Variants in RFX3 observed in about 807,000 individuals in gnomAD.
The protein encoded by RFX3 is transcription factor RFX3.
Under a neutral mutation model 98.6 loss-of-function variants are expected in RFX3, and 14 were observed. The ratio of observed to expected loss-of-function variants is 0.14; its 90% CI spans 0.09 to 0.22. RFX3 has a LOEUF of 0.22. Ranked by LOEUF, RFX3 falls within the 10% of genes least tolerant of loss-of-function variation. The pLI is 1.00. For synonymous variants in RFX3, 383 were observed against 328.4 expected, an observed-to-expected ratio of 1.17 and a Z score of -1.80; for missense variants, 639 against 926.9, an observed-to-expected ratio of 0.69 and a Z score of 4.03.
At chr9:3,286,702 A>C (rs898762653) in intron 7 of RFX3, among the ~76,000 whole-genome samples, 4 of 151,974 alleles carry the variant, frequency 2.6e-5, no homozygotes, top group African/African-American at 9.7e-5. Flanking sequence ...TTAGCTTTAC[A>C]TACAAGCAAA....
intron 1 of RFX3, among the ~76,000 whole-genome samples, chr9:3,457,104 G>GCGCT (rs1286498857): frequency 7.9e-6 from 1 of 125,822 alleles, no homozygotes; most frequent in Non-Finnish European, 1.6e-5. Context: ...TCGCACCACT[G>GCGCT]CGCTCCAGCC....
At chr9:3,398,914 T>TAAAAAAAAAA (rs71324247) in intron 1 of RFX3, among the ~76,000 whole-genome samples, 84 of 67,446 alleles carry the variant, frequency 1.2e-3, no homozygotes, top group African/African-American at 1.9e-3. Context: ...TAGAGTATAA[T>TAAAAAAAAAA]AAAAAAAAAA....
intron 1 of RFX3, among the ~76,000 whole-genome samples, chr9:3,424,138 C>G (rs1185591466): frequency 2.7e-5 from 4 of 149,996 alleles, no homozygotes; most frequent in Non-Finnish European, 5.9e-5. Context: ...CAGAGGGAGA[C>G]TCCTTCTCAA....
intron 1 of RFX3, among the ~76,000 whole-genome samples, chr9:3,419,267 A>G (rs1300085155): frequency 6.6e-6 from 1 of 152,210 alleles, no homozygotes; most frequent in African/African-American, 2.4e-5. Flanking sequence ...TCAAATTGTA[A>G]AGAATACCAA....
At chr9:3,417,421 C>T (rs1843077906) in intron 1 of RFX3, among the ~76,000 whole-genome samples, 1 of 151,964 alleles carries the variant, frequency 6.6e-6, no homozygotes, top group Admixed American at 6.6e-5. Flanking sequence ...CAGACCATAC[C>T]TGATCACAAA....
intron 1 of RFX3, among the ~76,000 whole-genome samples, chr9:3,455,723 AAAGTT>A (rs1211961237): frequency 3.3e-5 from 5 of 152,188 alleles, no homozygotes; most frequent in Non-Finnish European, 5.9e-5. Flanking sequence ...TACACACACA[AAAGTT>A]ATGTTAGGAA....
chr9:3,438,149 A>G (rs928041714), intron 1 of RFX3, among the ~76,000 whole-genome samples: 5 of 152,140 alleles, frequency 3.3e-5, no homozygotes, highest in Non-Finnish European at 7.4e-5. Flanking sequence ...GGGAATGGGA[A>G]TAACACAGAA....
At chr9:3,482,807 T>C (rs1849902311) in intron 1 of RFX3, among the ~76,000 whole-genome samples, 1 of 152,200 alleles carries the variant, frequency 6.6e-6, no homozygotes, top group South Asian at 2.1e-4. Context: ...ATATTATATG[T>C]CTTTGAATAA....
intron 1 of RFX3, among the ~76,000 whole-genome samples, chr9:3,412,628 T>C (rs1356649461): frequency 6.6e-6 from 1 of 152,034 alleles, no homozygotes; most frequent in Non-Finnish European, 1.5e-5. Context: ...AAGCTTAGGG[T>C]AGTTTCAGGA....
intron 2 of RFX3, among the ~76,000 whole-genome samples, chr9:3,349,004 A>C (rs1834773172): frequency 6.6e-6 from 1 of 152,170 alleles, no homozygotes; most frequent in Non-Finnish European, 1.5e-5. Context: ...GGGACCCATT[A>C]ATGCTTGCTG....
At chr9:3,236,616 G>T (rs949741716) in intron 15 of RFX3, among the ~76,000 whole-genome samples, 1 of 152,184 alleles carries the variant, frequency 6.6e-6, no homozygotes, top group Non-Finnish European at 1.5e-5. Flanking sequence ...GCAGTCAGAG[G>T]CCAAGGTGCT....
At chr9:3,270,156 A>G (rs970615371) in intron 11 of RFX3, among the ~76,000 whole-genome samples, 1 of 150,804 alleles carries the variant, frequency 6.6e-6, no homozygotes, top group African/African-American at 2.5e-5. Flanking sequence ...AGAAAGAAAG[A>G]AAAAGAAAAG....
intron 10 of RFX3, 23 bp downstream of exon 10, chr9:3,270,980 T>C (rs1038437105): frequency 7.4e-6 from 12 of 1,613,608 alleles, no homozygotes; most frequent in South Asian, 2.2e-5. Context: ...TGAAAATGAA[T>C]TGGAAAAGAT....
At chr9:3,257,292 T>C (rs1586766120) in intron 13 of RFX3, 93 bp from the exon 14 acceptor site, 1 of 1,001,680 alleles carries the variant, frequency 1.0e-6, no homozygotes, top group Non-Finnish European at 1.5e-6. Flanking sequence ...AACAGAAAAT[T>C]ATAATAAAAG....
At chr9:3,289,127 CATATATAGCA>C (rs1407757392) in intron 6 of RFX3, among the ~76,000 whole-genome samples, 1 of 151,942 alleles carries the variant, frequency 6.6e-6, no homozygotes, top group Admixed American at 6.6e-5. Context: ...TTCACAAGTC[CATATATAGCA>C]ATACATCAGC....
At chr9:3,315,584 G>A (rs1169266848) in intron 4 of RFX3, among the ~76,000 whole-genome samples, 2 of 152,072 alleles carry the variant, frequency 1.3e-5, no homozygotes, top group African/African-American at 4.8e-5. Flanking sequence ...ATGAATCCAG[G>A]AGCTGGCTTT....
chr9:3,430,013 A>G (rs1307688871), intron 1 of RFX3, among the ~76,000 whole-genome samples: 5 of 152,170 alleles, frequency 3.3e-5, no homozygotes, highest in African/African-American at 1.2e-4. Context: ...TGAGGTTCCC[A>G]AGTTTTCTTA....
intron 1 of RFX3, among the ~76,000 whole-genome samples, chr9:3,516,295 G>T (rs1313773516): frequency 6.6e-6 from 1 of 152,052 alleles, no homozygotes; most frequent in African/African-American, 2.4e-5. Context: ...TGATCCACCC[G>T]CCTCAGCCTC....
chr9:3,492,965 T>C (rs1850830249), intron 1 of RFX3, among the ~76,000 whole-genome samples: 1 of 152,184 alleles, frequency 6.6e-6, no homozygotes, highest in Non-Finnish European at 1.5e-5. Flanking sequence ...CCCCACATCC[T>C]ATTTACAAGG....
Sources: allele counts gnomAD v4.1 joint callset (sites outside exome capture counted in the v4.1 genomes callset), GRCh38; gene constraint gnomAD v4.1.1; transcripts MANE v1.5; gene names NCBI Gene and HGNC (gene_info 2026-07-23, HGNC 2026-07-21).